Variants in FAM13B observed in about 807,000 individuals in gnomAD.
FAM13B encodes the protein family with sequence similarity 13 member B, also known as protein FAM13B.
FAM13B carries 60 observed loss-of-function variants against 117.3 expected under a neutral mutation model. The observed-to-expected ratio is 0.51, with a 90% confidence interval of 0.42 to 0.63. The LOEUF is 0.63. FAM13B is among the 30% of genes least tolerant of loss of function. The probability of loss-of-function intolerance (pLI) is 0.00; values close to 1 mark genes in which losing one functional copy is unlikely to be tolerated. For synonymous variants in FAM13B, 332 were observed against 356.1 expected (o/e 0.93, Z 0.76); for missense variants, 972 against 1,091.9 (o/e 0.89, Z 1.55).
At chr5:137,957,863 T>A (rs1767038430) in intron 13 of FAM13B, among the ~76,000 whole-genome samples, 1 of 152,184 alleles carries the variant, frequency 6.6e-6, no homozygotes, top group African/African-American at 2.4e-5. Flanking sequence ...AGGTGCTGGA[T>A]TCTGACATGG....
At chr5:138,026,409 C>T (rs1265566847) in intron 1 of FAM13B, among the ~76,000 whole-genome samples, 5 of 151,904 alleles carry the variant, frequency 3.3e-5, no homozygotes, top group Admixed American at 3.3e-4. Flanking sequence ...GCAGATCACT[C>T]GAGCTCCAGA....
chr5:137,996,765 G>T (rs1402564410), intron 7 of FAM13B, among the ~76,000 whole-genome samples: 1 of 151,934 alleles, frequency 6.6e-6, no homozygotes, highest in African/African-American at 2.4e-5. Context: ...CTAATTTTTT[G>T]TATCTTTAGT....
At chr5:137,946,364 A>G in intron 18 of FAM13B, 53 bp from the exon 19 acceptor site, 1 of 1,208,768 alleles carries the variant, frequency 8.3e-7, no homozygotes, top group Non-Finnish European at 1.2e-6. Flanking sequence ...AACAAAAACA[A>G]AAAAACTCCA....
chr5:137,977,141 G>A (rs1219310218), intron 10 of FAM13B, among the ~76,000 whole-genome samples: 1 of 152,082 alleles, frequency 6.6e-6, no homozygotes, highest in East Asian at 1.9e-4. Flanking sequence ...AAGACTGTAG[G>A]GATGAAATAA....
chr5:137,994,672 C>A (rs948507096), intron 7 of FAM13B, among the ~76,000 whole-genome samples: 4 of 152,144 alleles, frequency 2.6e-5, no homozygotes, highest in African/African-American at 9.7e-5. Context: ...AACCCCTAGA[C>A]AAGGAAGCCT....
intron 23 of FAM13B, 94 bp from the exon 24 acceptor site, chr5:137,940,442 A>C: frequency 1.3e-6 from 1 of 766,886 alleles, no homozygotes; most frequent in Non-Finnish European, 2.1e-6. Context: ...GTTACTAAAC[A>C]TAAGTTCAAA....
intron 1 of FAM13B, among the ~76,000 whole-genome samples, chr5:138,026,532 TG>T: frequency 7.2e-6 from 1 of 138,082 alleles, no homozygotes; most frequent in Admixed American, 7.9e-5. Context: ...GAGGCTGAGG[TG>T]GAAGGATCAC....
At chr5:137,970,433 C>T (rs544170993) in intron 10 of FAM13B, among the ~76,000 whole-genome samples, 2 of 152,042 alleles carry the variant, frequency 1.3e-5, no homozygotes, top group Admixed American at 1.3e-4. Context: ...CACCACCAGG[C>T]CTGCCCTAAA....
chr5:137,992,563 T>C (rs1373992346), intron 7 of FAM13B, among the ~76,000 whole-genome samples: 2 of 151,936 alleles, frequency 1.3e-5, no homozygotes, highest in Non-Finnish European at 2.9e-5. Flanking sequence ...CATTGCACTC[T>C]AGCCTGGGCA....
chr5:137,958,348 A>G (rs182084063), intron 13 of FAM13B, among the ~76,000 whole-genome samples: 18 of 152,316 alleles, frequency 1.2e-4, no homozygotes, highest in African/African-American at 4.3e-4. Flanking sequence ...CATGCCAAAC[A>G]TCTAGACCTA....
intron 4 of FAM13B, among the ~76,000 whole-genome samples, chr5:138,017,074 AG>A (rs1175813267): frequency 1.3e-5 from 2 of 152,252 alleles, no homozygotes; most frequent in Non-Finnish European, 2.9e-5. Context: ...CATTGAAAAA[AG>A]GGTAGCCTTA....
chr5:137,963,897 C>T (rs1768899255), intron 10 of FAM13B, among the ~76,000 whole-genome samples: 1 of 152,170 alleles, frequency 6.6e-6, no homozygotes, highest in African/African-American at 2.4e-5. Context: ...CATCCCAAAA[C>T]CCCAACCCCC....
rs1777745752 is a variant in FAM13B at position 137,988,322 on chromosome 5, T to A, written c.849-7A>T. 6.4e-7 allele frequency: 1 copy of A among 1,556,352 alleles called. No individual in the cohort carries two copies. The highest frequency in any genetic ancestry group is 8.6e-7 in the Non-Finnish European group (1 of 1,160,986). On this transcript the variant is annotated splice_region_variant and splice_polypyrimidine_tract_variant and intron_variant, in intron 7 of 23. Coordinates refer to ENST00000689681, the MANE Select transcript of FAM13B (RefSeq NM_001385994.1). ...GATGGGAGATATATGGGTGCTGCAATCAAAGAAAGAAATTAGCTATAAAAA... is the reference window on the plus strand; with the variant it reads ...GATGGGAGATATATGGGTGCTGCAAACAAAGAAAGAAATTAGCTATAAAAA...
intron 10 of FAM13B, among the ~76,000 whole-genome samples, chr5:137,962,921 C>T (rs922849867): frequency 6.6e-6 from 1 of 152,100 alleles, no homozygotes; most frequent in African/African-American, 2.4e-5. Flanking sequence ...AAAGTCCCCA[C>T]ATGAGAAAAC....
At chr5:137,988,388 C>T in intron 7 of FAM13B, 73 bp from the exon 8 acceptor site, 2 of 1,170,074 alleles carry the variant, frequency 1.7e-6, no homozygotes, top group Admixed American at 2.4e-5. Flanking sequence ...TGAAATCTGC[C>T]ATATTTGCAC....
chr5:137,977,156 C>CA (rs1280506081), intron 10 of FAM13B, among the ~76,000 whole-genome samples: 1 of 152,146 alleles, frequency 6.6e-6, no homozygotes, highest in Non-Finnish European at 1.5e-5. Flanking sequence ...AAATAAGCCC[C>CA]AGTCTCCCAT....
intron 1 of FAM13B, among the ~76,000 whole-genome samples, chr5:138,040,364 T>A (rs772502796): frequency 1.4e-4 from 21 of 150,420 alleles, no homozygotes; most frequent in Non-Finnish European, 2.7e-4. Context: ...GGTCAGGAAT[T>A]CCAGACCAGC....
At chr5:138,046,422 A>G (rs1791642546) in intron 1 of FAM13B, among the ~76,000 whole-genome samples, 1 of 152,202 alleles carries the variant, frequency 6.6e-6, no homozygotes. Flanking sequence ...CAAGAGCCAC[A>G]AGGCGAGCTT....
chr5:137,953,463 A>C lies in FAM13B; in HGVS notation c.1721T>G (p.Ile574Ser), dbSNP rs541684906. ...SSSKALSFTRIRRSSFSSKDE... is the reference protein window; with the variant it reads ...SSSKALSFTRSRRSSFSSKDE... Reference sequence around the variant, plus strand: ...TTTTGAACTAAAGGATGATCTTCGAATTCTGAATTAAAACAAAAGGCCAAC... The same window carrying C: ...TTTTGAACTAAAGGATGATCTTCGACTTCTGAATTAAAACAAAAGGCCAAC... Residue 574 changes from isoleucine (I) to serine (S), a missense_variant and splice_region_variant, in exon 16 of 24, where the codon ATT (isoleucine) becomes AGT (serine). Physicochemically the swap from Ile to Ser is moderately radical, Grantham distance 142. Transcript: ENST00000689681. 14 of 1,613,546 alleles carry C rather than the reference A, an allele frequency of 8.7e-6. No homozygotes were observed. The highest frequency in any genetic ancestry group is 3.3e-5 in the South Asian group (3 of 91,056).
Sources: allele counts gnomAD v4.1 joint callset (sites outside exome capture counted in the v4.1 genomes callset), GRCh38; gene constraint gnomAD v4.1.1; transcripts MANE v1.5; gene names NCBI Gene and HGNC (gene_info 2026-07-23, HGNC 2026-07-21).